The following NLGN1 variants were observed in gnomAD, a reference collection of about 807,000 sequenced individuals.
The protein encoded by NLGN1 is neuroligin 1.
Under a neutral mutation model 65.5 loss-of-function variants are expected in NLGN1, and 12 were observed. That is an observed-to-expected ratio of 0.18 (90% CI 0.12 to 0.30). The LOEUF (loss-of-function observed/expected upper bound fraction) is 0.30, where lower values mean the gene tolerates loss of function less well. Among genes scored for constraint, NLGN1 ranks in the 10% least tolerant of loss-of-function variants. The pLI, the probability that NLGN1 is intolerant of heterozygous loss-of-function variation, is 1.00. For missense variants in NLGN1, 750 were observed against 1,007.1 expected (o/e 0.74, Z 3.46); for synonymous variants, 350 against 359.5 (o/e 0.97, Z 0.30).
At chr3:173,525,529 TA>T (rs1172584203) in intron 2 of NLGN1, among the ~76,000 whole-genome samples, 1 of 152,048 alleles carries the variant, frequency 6.6e-6, no homozygotes, top group Non-Finnish European at 1.5e-5. Context: ...CATAGAAATT[TA>T]TCCTTTCTAA....
intron 4 of NLGN1, among the ~76,000 whole-genome samples, chr3:174,162,141 G>T (rs529786240): frequency 2.0e-5 from 3 of 151,924 alleles, no homozygotes; most frequent in South Asian, 2.1e-4. Flanking sequence ...CCAGAATTCT[G>T]TACTCATGTG....
intron 4 of NLGN1, among the ~76,000 whole-genome samples, chr3:174,191,962 T>A (rs1732469717): frequency 6.6e-6 from 1 of 152,188 alleles, no homozygotes; most frequent in African/African-American, 2.4e-5. Flanking sequence ...TCCATTTGAC[T>A]TCTTATCTAT....
intron 4 of NLGN1, among the ~76,000 whole-genome samples, chr3:174,098,596 G>C (rs755143242): frequency 6.6e-6 from 1 of 152,124 alleles, no homozygotes; most frequent in Admixed American, 6.6e-5. Flanking sequence ...GATTTCACTA[G>C]AGTATAGAAT....
chr3:174,086,102 A>G (rs1291857812), intron 4 of NLGN1, among the ~76,000 whole-genome samples: 1 of 151,884 alleles, frequency 6.6e-6, no homozygotes, highest in Non-Finnish European at 1.5e-5. Context: ...CATACATACC[A>G]CAAGCACCAA....
At chr3:174,264,658 C>T (rs1412244448) in intron 4 of NLGN1, among the ~76,000 whole-genome samples, 1 of 150,684 alleles carries the variant, frequency 6.6e-6, no homozygotes, top group Non-Finnish European at 1.5e-5. Context: ...GTAATTTGAT[C>T]GTCTGAAGCC....
intron 4 of NLGN1, among the ~76,000 whole-genome samples, chr3:173,982,514 G>A (rs921133967): frequency 7.2e-5 from 11 of 152,112 alleles, no homozygotes; most frequent in Non-Finnish European, 1.3e-4. Context: ...TAGATAAGGA[G>A]CCAGAGTATA....
intron 3 of NLGN1, among the ~76,000 whole-genome samples, chr3:173,768,333 A>G (rs1779070407): frequency 6.6e-6 from 1 of 152,150 alleles, no homozygotes; most frequent in African/African-American, 2.4e-5. Context: ...CTCAGTTGTC[A>G]GTTGCTTGAG....
intron 4 of NLGN1, among the ~76,000 whole-genome samples, chr3:174,188,221 C>A (rs536438318): frequency 1.3e-5 from 2 of 152,024 alleles, no homozygotes; most frequent in East Asian, 3.9e-4. Flanking sequence ...CTAAAAACGT[C>A]TTTTGGATAA....
rs1260156269 is a variant in NLGN1 at position 174,005,940 on chromosome 3, A to G, written c.646+198108A>G. ...TTAACAAAGTTATCTTTATTCTTAC[A>G]TTTTCTACTATATTTAAGACCTTGT... On this transcript the variant is annotated intron_variant, in intron 4 of 6. Transcript: ENST00000457714. 2.0e-5 allele frequency among the ~76,000 whole-genome samples: 3 copies of G among 151,894 alleles called. No homozygotes were observed. The East Asian group carries it at 5.8e-4, about 29-fold the overall frequency.
intron 2 of NLGN1, among the ~76,000 whole-genome samples, chr3:173,477,601 A>G (rs1726453179): frequency 6.6e-6 from 1 of 152,184 alleles, no homozygotes; most frequent in African/African-American, 2.4e-5. Flanking sequence ...AGGGACAAGC[A>G]CAGAAAGGGT....
At chr3:173,444,653 A>G (rs1021944935) in intron 2 of NLGN1, among the ~76,000 whole-genome samples, 3 of 152,128 alleles carry the variant, frequency 2.0e-5, no homozygotes, top group African/African-American at 7.2e-5. Flanking sequence ...TGCCCTTACT[A>G]TATTAGTTTA....
chr3:173,658,947 A>G (rs1162610616), intron 3 of NLGN1, among the ~76,000 whole-genome samples: 1 of 152,056 alleles, frequency 6.6e-6, no homozygotes, highest in Non-Finnish European at 1.5e-5. Flanking sequence ...TAAGAAAATT[A>G]TTCGAAGAGT....
chr3:173,600,535 C>A (rs373380838), intron 2 of NLGN1, among the ~76,000 whole-genome samples: 154 of 60,736 alleles, frequency 2.5e-3, no homozygotes, highest in African/African-American at 5.5e-3. Flanking sequence ...TTGAGTTCAA[C>A]AAGAAAACAA....
chr3:173,791,121 G>T (rs1416603142), intron 3 of NLGN1, among the ~76,000 whole-genome samples: 2 of 152,106 alleles, frequency 1.3e-5, no homozygotes, highest in African/African-American at 2.4e-5. Context: ...ACTGTGACTG[G>T]GTGTGGTAGC....
chr3:173,554,613 C>T (rs1048647578), intron 2 of NLGN1, among the ~76,000 whole-genome samples: 17 of 152,214 alleles, frequency 1.1e-4, no homozygotes, highest in African/African-American at 4.1e-4. Flanking sequence ...TTGAGTTTAT[C>T]ACCAGTTTCT....
chr3:173,536,966 A>G (rs953337985), intron 2 of NLGN1, among the ~76,000 whole-genome samples: 2 of 152,224 alleles, frequency 1.3e-5, no homozygotes, highest in Non-Finnish European at 2.9e-5. Context: ...CAAAAGCAAC[A>G]GAAGACCAAT....
At chr3:173,452,286 C>T (rs1314978437) in intron 2 of NLGN1, among the ~76,000 whole-genome samples, 1 of 151,700 alleles carries the variant, frequency 6.6e-6, no homozygotes, top group East Asian at 1.9e-4. Flanking sequence ...AGCTCTTCCT[C>T]CCGGGTTCAA....
At chr3:173,494,808 T>A (rs554990650) in intron 2 of NLGN1, among the ~76,000 whole-genome samples, 2 of 151,984 alleles carry the variant, frequency 1.3e-5, no homozygotes, top group African/African-American at 4.8e-5. Flanking sequence ...ATCATTTTTT[T>A]ATATTTGTCA....
chr3:173,993,116 A>T (rs1243691109), intron 4 of NLGN1, among the ~76,000 whole-genome samples: 1 of 152,116 alleles, frequency 6.6e-6, no homozygotes, highest in Non-Finnish European at 1.5e-5. Context: ...CATTTTCATT[A>T]TTTTTTTATG....
Sources: gnomAD v4.1 joint callset for allele counts (sites outside exome capture counted in the v4.1 genomes callset) on GRCh38, gnomAD v4.1.1 for gene constraint, MANE v1.5 for transcripts, NCBI Gene and HGNC (gene_info 2026-07-23, HGNC 2026-07-21) for gene names.